HMCN1: variants seen among roughly 807,000 people sequenced by gnomAD.
HMCN1 encodes hemicentin 1, also known as hemicentin-1.
In HMCN1, 321 loss-of-function variants were observed where a neutral mutation model predicts 625.9. That is an observed-to-expected ratio of 0.51 (90% CI 0.47 to 0.56). The LOEUF (loss-of-function observed/expected upper bound fraction) is 0.56. Ranked by LOEUF, HMCN1 falls within the 20% of genes least tolerant of loss-of-function variation. HMCN1 has a pLI of 0.00. For synonymous variants in HMCN1, 2,425 were observed against 2,417.6 expected, an observed-to-expected ratio of 1.00 and a Z score of -0.09; for missense variants, 6,588 against 6,887.3, an observed-to-expected ratio of 0.96 and a Z score of 1.54.
At chr1:185,868,966 A>G (rs899889309) in intron 4 of HMCN1, among the ~76,000 whole-genome samples, 6 of 152,184 alleles carry the variant, frequency 3.9e-5, no homozygotes, top group African/African-American at 1.4e-4. Flanking sequence ...AAAGTTGTCC[A>G]TTTTTATAAA....
At chr1:185,993,011 A>G (rs1451242624) in intron 22 of HMCN1, among the ~76,000 whole-genome samples, 171 bp from the exon 23 acceptor site, 1 of 152,190 alleles carries the variant, frequency 6.6e-6, no homozygotes, top group East Asian at 1.9e-4. Flanking sequence ...AATCATACAC[A>G]AGATAATTAT....
At chr1:186,104,693 G>A (rs983334634) in intron 69 of HMCN1, among the ~76,000 whole-genome samples, 14 of 152,156 alleles carry the variant, frequency 9.2e-5, no homozygotes, top group African/African-American at 3.4e-4. Context: ...GCTCAGTGAT[G>A]GAGCTAGGCC....
intron 1 of HMCN1, among the ~76,000 whole-genome samples, chr1:185,804,780 G>A (rs1408040051): frequency 6.6e-6 from 1 of 151,936 alleles, no homozygotes; most frequent in African/African-American, 2.4e-5. Context: ...ATTGTTTCCT[G>A]TCATGGCTGT....
intron 106 of HMCN1, 78 bp from the exon 107 acceptor site, chr1:186,189,432 TCA>T: frequency 6.5e-7 from 1 of 1,537,242 alleles, no homozygotes; most frequent in South Asian, 1.1e-5. Context: ...CTAAAAGTTG[TCA>T]TGGATCATGA....
chr1:186,053,785 C>T (rs1430724872), intron 43 of HMCN1, 40 bp from the exon 44 acceptor site: 130 of 1,605,084 alleles, frequency 8.1e-5, no homozygotes, highest in Non-Finnish European at 1.1e-4. Context: ...AAATGCTTTA[C>T]ATTTCTGCCT....
intron 1 of HMCN1, among the ~76,000 whole-genome samples, chr1:185,815,595 A>G (rs1026397296): frequency 6.7e-6 from 1 of 149,878 alleles, no homozygotes; most frequent in Non-Finnish European, 1.5e-5. Flanking sequence ...TAATTTTGAT[A>G]TTTAGTGTTA....
At chr1:186,087,142 A>G in intron 58 of HMCN1, 75 bp from the exon 59 acceptor site, 1 of 896,994 alleles carries the variant, frequency 1.1e-6, no homozygotes, top group Admixed American at 1.7e-5. Flanking sequence ...ATATGTTGCT[A>G]TTTATCTGAT....
intron 1 of HMCN1, among the ~76,000 whole-genome samples, chr1:185,752,818 G>T (rs1357109364): frequency 6.6e-6 from 1 of 151,938 alleles, no homozygotes; most frequent in Non-Finnish European, 1.5e-5. Flanking sequence ...ATAGAAAAAA[G>T]GTTATACTTC....
intron 11 of HMCN1, among the ~76,000 whole-genome samples, chr1:185,939,192 T>C (rs1277325392): frequency 6.6e-6 from 1 of 152,204 alleles, no homozygotes; most frequent in Non-Finnish European, 1.5e-5. Context: ...AAAAAAGCTT[T>C]GGGAAGCAAA....
chr1:185,915,186 A>G (rs981702501), intron 6 of HMCN1, among the ~76,000 whole-genome samples: 3 of 152,058 alleles, frequency 2.0e-5, no homozygotes, highest in African/African-American at 7.2e-5. Context: ...GATGCAGGTA[A>G]AGCATGTTAA....
In HMCN1 at chr1:186,017,023, T is replaced by TACTGG. The variant is rs777293888; in HGVS notation, c.5254_5258dup (p.Glu1753AspfsTer4). On this transcript the variant is annotated frameshift_variant, in exon 33 of 107. Coordinates refer to ENST00000271588, the MANE Select transcript of HMCN1 (RefSeq NM_031935.3). LOFTEE classifies it high-confidence loss of function. The stretch of plus-strand genomic sequence containing the variant: ...TACTTCATTGTGATGGTTAATAACT[T>TACTGG]ACTGGAGCTAGATTGTCATGTGACA... 1 of 1,610,266 alleles carries TACTGG rather than the reference T, an allele frequency of 6.2e-7. No homozygotes were observed. The highest frequency in any genetic ancestry group is 1.1e-5 in the South Asian group (1 of 91,030).
At chr1:186,136,240 C>G (rs896542900) in intron 86 of HMCN1, among the ~76,000 whole-genome samples, 1 of 152,076 alleles carries the variant, frequency 6.6e-6, no homozygotes, top group African/African-American at 2.4e-5. Flanking sequence ...AGTGAATATT[C>G]ACCATATAAA....
At chr1:185,882,010 C>CT (rs1420604201) in intron 4 of HMCN1, among the ~76,000 whole-genome samples, 2 of 151,988 alleles carry the variant, frequency 1.3e-5, no homozygotes, top group East Asian at 1.9e-4. Context: ...ATATTTTTTT[C>CT]TTTTAGAAAT....
At chr1:186,012,407 T>C (rs933837133) in intron 30 of HMCN1, among the ~76,000 whole-genome samples, 1 of 152,068 alleles carries the variant, frequency 6.6e-6, no homozygotes, top group African/African-American at 2.4e-5. Flanking sequence ...TGGTATTTTT[T>C]TTTTGTACTT....
intron 4 of HMCN1, among the ~76,000 whole-genome samples, chr1:185,869,195 C>A (rs1161972063): frequency 1.3e-5 from 2 of 152,114 alleles, no homozygotes; most frequent in African/African-American, 4.8e-5. Flanking sequence ...TTTGTTCAAG[C>A]CAATTTGAGT....
At chr1:186,068,976 A>G (rs2102337449) in intron 50 of HMCN1, among the ~76,000 whole-genome samples, 1 of 152,224 alleles carries the variant, frequency 6.6e-6, no homozygotes, top group East Asian at 1.9e-4. Context: ...TGAGACTTTA[A>G]TGAACATTCT....
intron 85 of HMCN1, 63 bp downstream of exon 85, chr1:186,130,760 T>C: frequency 6.7e-6 from 9 of 1,353,080 alleles, no homozygotes; most frequent in Non-Finnish European, 9.5e-6. Context: ...CCTCTGTGAG[T>C]GCCATAGATA....
At chr1:186,035,545 T>C (rs1655763982) in intron 36 of HMCN1, among the ~76,000 whole-genome samples, 1 of 152,274 alleles carries the variant, frequency 6.6e-6, no homozygotes. Flanking sequence ...TTTTTATATA[T>C]GTTAATTATG....
chr1:185,749,648 G>A (rs1322400012), intron 1 of HMCN1, among the ~76,000 whole-genome samples: 1 of 151,914 alleles, frequency 6.6e-6, no homozygotes, highest in Non-Finnish European at 1.5e-5. Context: ...AGTTATTTTG[G>A]CTCTGCCTTC....
Sources: gnomAD v4.1 joint callset for allele counts (sites outside exome capture counted in the v4.1 genomes callset) on GRCh38, gnomAD v4.1.1 for gene constraint, MANE v1.5 for transcripts, NCBI Gene and HGNC (gene_info 2026-07-23, HGNC 2026-07-21) for gene names.